Variants in ZNF730 observed in about 807,000 individuals in gnomAD.
ZNF730 encodes zinc finger protein 730.
ZNF730 carries 12 observed loss-of-function variants against 12.6 expected under a neutral mutation model. That is an observed-to-expected ratio of 0.95 (90% confidence interval 0.61 to 1.54). The LOEUF (loss-of-function observed/expected upper bound fraction) is 1.54. ZNF730 is among the 40% of genes most tolerant of loss of function. The pLI, the probability that ZNF730 is intolerant of heterozygous loss-of-function variation, is 0.00. For synonymous variants in ZNF730, 194 were observed against 195.8 expected (o/e 0.99, Z 0.08); for missense variants, 643 against 583.5 (o/e 1.10, Z -1.05).
At position 23,142,747 on chromosome 19, in the gene ZNF730, T is replaced by A. The variant is rs193133534; in HGVS notation, c.227-2524T>A. Among the ~76,000 whole-genome samples, 530 of 151,836 alleles carry A rather than the reference T, an allele frequency of 3.5e-3. 3 individuals are homozygous for A. Among genetic ancestry groups the A allele is most frequent in the African/African-American group, 0.012 (506 of 41,426 alleles). The stretch of plus-strand genomic sequence containing the variant: ...TTTGAAAGTTAATTATATATATTTT[T>A]AAATAATTTTATGAAAGAGAAAGAC... On this transcript the variant is annotated intron_variant, in intron 3 of 3. Coordinates refer to ENST00000597761, the MANE Select transcript of ZNF730 (RefSeq NM_001277403.2).
intron 1 of ZNF730, among the ~76,000 whole-genome samples, chr19:23,085,213 A>T (rs950831796): frequency 2.0e-5 from 3 of 152,056 alleles, no homozygotes; most frequent in Non-Finnish European, 4.4e-5. Context: ...CTAATCGGTG[A>T]TGTTGAGCTT....
rs1479213299 is a variant in ZNF730 at position 23,135,951 on chromosome 19, T to C, written c.134T>C (p.Ile45Thr). 1 of 1,609,180 alleles carries C rather than the reference T, an allele frequency of 6.2e-7. No homozygotes were observed. Among genetic ancestry groups the C allele is most frequent in the Non-Finnish European group, 8.5e-7 (1 of 1,177,590 alleles). ...CATGTTATTTTTCATAAAACAGGTA[T>C]TGCTGTCTCAAAGCCAGACCTGATC... is the stretch of plus-strand genomic sequence containing the variant. Reference protein sequence around the residue: ...DNYRNLVFLGIAVSKPDLITC... With the variant: ...DNYRNLVFLGTAVSKPDLITC... Residue 45 changes from isoleucine to threonine, a missense_variant, in exon 3 of 4, where the codon ATT becomes ACT. Physicochemically the swap from Ile to Thr is moderately conservative, Grantham distance 89 (BLOSUM62 -1). Transcript: ENST00000597761.
chr19:23,145,392 C>T lies in ZNF730; in HGVS notation c.348C>T (p.Gly116=). ...CRHENLLLRK[G]CKNVDEFKMH... is the part of the protein sequence containing the mutation. ...ATGAGAATTTACTGTTAAGAAAAGG[C>T]TGTAAAAATGTGGATGAGTTTAAGA... The change falls in exon 4 of 4, where the codon GGC becomes GGT. Residue 116 remains glycine, a synonymous_variant. Coordinates refer to ENST00000597761, the MANE Select transcript of ZNF730 (RefSeq NM_001277403.2). The T allele has an allele frequency of 6.3e-7, 1 of 1,589,876 alleles. No individual in the cohort carries two copies. The highest frequency in any genetic ancestry group is 1.1e-5 in the South Asian group (1 of 88,296).
intron 3 of ZNF730, 94 bp from the exon 4 acceptor site, chr19:23,145,177 T>C: frequency 2.3e-6 from 2 of 866,128 alleles, no homozygotes; most frequent in Non-Finnish European, 1.6e-6. Context: ...TGCTATGCTA[T>C]CTTGTTATGT....
chr19:23,114,312 T>TTC (rs1970491196), upstream of ZNF730, among the ~76,000 whole-genome samples: 2 of 116,228 alleles, frequency 1.7e-5, no homozygotes, highest in South Asian at 5.4e-4. Flanking sequence ...TTTCTTTTTT[T>TTC]TTTTTTTTTT....
In ZNF730 at chr19:23,147,058, AAAC is replaced by A; in HGVS notation, c.*505_*507del. 1 of 259,140 alleles carries A rather than the reference AAAC, an allele frequency of 3.9e-6. No homozygotes were observed. The highest frequency in any genetic ancestry group is 5.3e-5 in the South Asian group (1 of 18,968). 16.1% of individuals were successfully genotyped at this position (259,140 alleles called of 1,614,324 possible). ...TACTGGAGAAAACTTCTACAAGTGT[AAAC>A]AAAGTGGCAAAACTTTTAACCAATG... On this transcript the variant is annotated 3_prime_UTR_variant, in exon 4 of 4. Transcript: ENST00000597761.
chr19:23,107,456 A>AAAAAAAAG (rs1970407476), intron 1 of ZNF730, among the ~76,000 whole-genome samples: 1 of 143,550 alleles, frequency 7.0e-6, no homozygotes, highest in Non-Finnish European at 1.5e-5. Context: ...TACCAAAAAA[A>AAAAAAAAG]AAAAAAAAAA....
At chr19:23,117,599 GAATTT>G (rs71990673) in intron 1 of ZNF730, among the ~76,000 whole-genome samples, 2,317 of 152,180 alleles carry the variant, frequency 0.015, 56 homozygotes, top group African/African-American at 0.052. Flanking sequence ...AAATATTAAA[GAATTT>G]AATTAAAGAA....
intron 1 of ZNF730, among the ~76,000 whole-genome samples, chr19:23,094,373 T>A (rs901735072): frequency 5.6e-5 from 8 of 143,164 alleles, no homozygotes; most frequent in African/African-American, 2.2e-4. Flanking sequence ...TATCTATCTA[T>A]CTATCTATCT....
intron 1 of ZNF730, chr19:23,095,080 C>T (rs1192445940): frequency 3.2e-6 from 1 of 311,058 alleles, no homozygotes; most frequent in African/African-American, 2.1e-5. Context: ...TACCCAGCAC[C>T]AGAGGGATTT....
At chr19:23,113,628 T>G (rs963152667), upstream of ZNF730, among the ~76,000 whole-genome samples, 5 of 152,226 alleles carry the variant, frequency 3.3e-5, no homozygotes, top group Non-Finnish European at 5.9e-5. Flanking sequence ...ACTGAAAATT[T>G]AAGGAAATAG....
intron 1 of ZNF730, among the ~76,000 whole-genome samples, chr19:23,131,738 C>T (rs1005076038): frequency 1.3e-5 from 2 of 152,070 alleles, no homozygotes; most frequent in African/African-American, 4.8e-5. Context: ...AACACCCATT[C>T]CTGTATCCTT....
intron 3 of ZNF730, among the ~76,000 whole-genome samples, chr19:23,144,512 A>G (rs548790853): frequency 1.3e-5 from 2 of 152,126 alleles, no homozygotes; most frequent in Admixed American, 1.3e-4. Flanking sequence ...CATCCTAGTC[A>G]ACATGGTGAA....
chr19:23,106,274 G>T (rs531344425), intron 1 of ZNF730, among the ~76,000 whole-genome samples: 2 of 152,108 alleles, frequency 1.3e-5, no homozygotes, highest in Admixed American at 6.6e-5. Flanking sequence ...AGTAGTAGTA[G>T]TTAGGACGAT....
chr19:23,085,298 A>T (rs1970038876), intron 1 of ZNF730, among the ~76,000 whole-genome samples: 1 of 151,230 alleles, frequency 6.6e-6, no homozygotes. Flanking sequence ...CGTGTCCTTT[A>T]CCCACCTTTG....
At chr19:23,077,063 T>C (rs1032013795) in intron 1 of ZNF730, among the ~76,000 whole-genome samples, 2 of 152,156 alleles carry the variant, frequency 1.3e-5, no homozygotes, top group Admixed American at 6.5e-5. Flanking sequence ...TAGGCTGTTA[T>C]CCTTAGCAAA....
At chr19:23,111,149 TTAAG>T (rs1970456805) in intron 1 of ZNF730, among the ~76,000 whole-genome samples, 1 of 152,306 alleles carries the variant, frequency 6.6e-6, no homozygotes, top group South Asian at 2.1e-4. Context: ...TAAATATAAA[TTAAG>T]TTTGTGGTGA....
At chr19:23,134,403 G>T (rs376117739) in intron 2 of ZNF730, among the ~76,000 whole-genome samples, 197 bp downstream of exon 2, 1 of 143,454 alleles carries the variant, frequency 7.0e-6, no homozygotes, top group Non-Finnish European at 1.5e-5. Flanking sequence ...TCAGCCCCCC[G>T]CCCGGCCAGC....
Position 23,135,580 on chromosome 19 carries a change from G to A in ZNF730, c.131-368G>A, listed in dbSNP as rs376326339. On this transcript the variant is annotated intron_variant, in intron 2 of 3. Transcript: ENST00000597761. ...GGCTGGAGTGCAGTGGCACAATGTCGGCTCACTGCAACCTCTGCCTCCTGG... is the reference window on the plus strand; with the variant it reads ...GGCTGGAGTGCAGTGGCACAATGTCAGCTCACTGCAACCTCTGCCTCCTGG... 2.6e-3 allele frequency among the ~76,000 whole-genome samples: 401 copies of A among 151,752 alleles called. 2 individuals carry two copies. The highest frequency in any genetic ancestry group is 9.4e-3 in the African/African-American group (389 of 41,390).
Sources: gnomAD v4.1 joint callset for allele counts (sites outside exome capture counted in the v4.1 genomes callset) on GRCh38, gnomAD v4.1.1 for gene constraint, MANE v1.5 for transcripts, NCBI Gene and HGNC (gene_info 2026-07-23, HGNC 2026-07-21) for gene names.